The following EPB41L3 variants were observed in gnomAD, a reference collection of about 807,000 sequenced individuals.
EPB41L3 encodes the protein band 4.1-like protein 3.
Under a neutral mutation model 127.1 loss-of-function variants are expected in EPB41L3, and 57 were observed. The observed-to-expected ratio is 0.45, with a 90% confidence interval of 0.36 to 0.56. EPB41L3 has a LOEUF of 0.56. EPB41L3 is among the 20% of genes least tolerant of loss of function. The pLI, the probability that EPB41L3 is intolerant of heterozygous loss-of-function variation, is 0.00. For missense variants in EPB41L3, 1,273 were observed against 1,372.2 expected (o/e 0.93, Z 1.14); for synonymous variants, 572 against 549.5 (o/e 1.04, Z -0.57).
At chr18:5,425,132 G>GCTT (rs1196861408) in intron 9 of EPB41L3, among the ~76,000 whole-genome samples, 5 of 152,106 alleles carry the variant, frequency 3.3e-5, no homozygotes, top group Admixed American at 6.6e-5. Context: ...ATCTTAAACA[G>GCTT]TAAAGGCTTC....
At chr18:5,455,795 C>T (rs2082961990) in intron 3 of EPB41L3, among the ~76,000 whole-genome samples, 1 of 150,420 alleles carries the variant, frequency 6.6e-6, no homozygotes, top group African/African-American at 2.5e-5. Flanking sequence ...AGTTTCACAT[C>T]ACACATACGA....
rs569003501 is a variant in EPB41L3 at position 5,431,992 on chromosome 18, A to C, written c.912+1477T>G. On this transcript the variant is annotated intron_variant, in intron 8 of 22. Coordinates refer to ENST00000341928, the MANE Select transcript of EPB41L3 (RefSeq NM_012307.5). Reference sequence around the variant, plus strand: ...AATGTCAAAGAGCTTGGCATTCAACATAACAGCACATCCCTGGTGTGAACC... The same window carrying C: ...AATGTCAAAGAGCTTGGCATTCAACCTAACAGCACATCCCTGGTGTGAACC... Among the ~76,000 whole-genome samples, 20 of 152,328 alleles carry C rather than the reference A, an allele frequency of 1.3e-4. No individual in the cohort carries two copies. In the East Asian group the frequency reaches 3.5e-3, roughly 26 times the overall value.
intron 9 of EPB41L3, 42 bp from the exon 10 acceptor site, chr18:5,424,401 A>G (rs1411250681): frequency 1.4e-6 from 2 of 1,470,090 alleles, no homozygotes; most frequent in African/African-American, 1.4e-5. Context: ...GTTTAAAATT[A>G]TAAATAACAG....
At chr18:5,598,081 T>C (rs2094554176) in intron 3 of EPB41L3, among the ~76,000 whole-genome samples, 1 of 152,214 alleles carries the variant, frequency 6.6e-6, no homozygotes, top group South Asian at 2.1e-4. Flanking sequence ...GGCCTCATCT[T>C]ACTTATACCA....
intron 3 of EPB41L3, among the ~76,000 whole-genome samples, chr18:5,610,477 C>A (rs968045127): frequency 5.3e-5 from 8 of 152,222 alleles, no homozygotes; most frequent in African/African-American, 1.9e-4. Context: ...ACACCCAAAC[C>A]ACATTTGAAT....
chr18:5,422,409 G>C (rs770571192), intron 11 of EPB41L3, among the ~76,000 whole-genome samples: 3 of 152,120 alleles, frequency 2.0e-5, no homozygotes, highest in Admixed American at 6.5e-5. Flanking sequence ...ACTCTCAGGG[G>C]AACAGTGGCA....
chr18:5,623,083 G>A (rs1228362471), intron 1 of EPB41L3, among the ~76,000 whole-genome samples: 1 of 150,800 alleles, frequency 6.6e-6, no homozygotes, highest in East Asian at 2.0e-4. Flanking sequence ...TGTGATGCAG[G>A]GAATTCTGTT....
rs1321989153 is a variant in EPB41L3, at chr18:5,424,207, A to G, written c.1163+55T>C. ...ATATTTTTTATTGACAATCTTTTTC[A>G]GTATAAGTGATTATAATTATTCCTT... On this transcript the variant is annotated intron_variant, in intron 10 of 22. Transcript: ENST00000341928. The G allele has an allele frequency of 1.7e-5, 20 of 1,180,850 alleles. 1 individual carries two copies. In the Admixed American group the frequency reaches 4.4e-4, roughly 26 times the overall value. The allele number at this position is 1,180,850 out of a possible 1,614,324, so 73.1% of individuals were successfully genotyped here. A position where few individuals can be genotyped will look rare whatever the true frequency, so the allele number is the denominator to read the frequency against.
intron 3 of EPB41L3, among the ~76,000 whole-genome samples, chr18:5,599,105 T>C (rs1785416): frequency 0.43 from 65,581 of 152,064 alleles, 14,410 homozygotes; most frequent in Non-Finnish European, 0.47. Context: ...GAGTTCAAAT[T>C]CTGACACAAC....
rs78352386 is a variant in EPB41L3 at position 5,459,194 on chromosome 18, C to T, written c.382-13950G>A. Among the ~76,000 whole-genome samples the T allele has an allele frequency of 2.2e-4, 33 of 152,206 alleles. No individual in the cohort carries two copies. In the East Asian group the frequency reaches 4.2e-3, roughly 20 times the overall value. On this transcript the variant is annotated intron_variant, in intron 3 of 22. Transcript: ENST00000341928. The stretch of plus-strand genomic sequence containing the variant: ...ATGCCTTTAGTCCCAACGACTCAAG[C>T]GGCTGAGGAAAGAGGATTGCCTGGT...
intron 1 of EPB41L3, among the ~76,000 whole-genome samples, chr18:5,615,192 C>A (rs2094778888): frequency 7.0e-6 from 1 of 142,726 alleles, no homozygotes; most frequent in Admixed American, 6.9e-5. Flanking sequence ...CTCAGTGTAT[C>A]TAATTCAGAC....
intron 3 of EPB41L3, among the ~76,000 whole-genome samples, chr18:5,584,370 T>C (rs1327008690): frequency 6.6e-6 from 1 of 152,180 alleles, no homozygotes; most frequent in African/African-American, 2.4e-5. Flanking sequence ...GTGGTGAAAG[T>C]CATATTTTGT....
intron 3 of EPB41L3, among the ~76,000 whole-genome samples, chr18:5,551,662 G>A (rs911430458): frequency 6.6e-6 from 1 of 152,150 alleles, no homozygotes; most frequent in Non-Finnish European, 1.5e-5. Context: ...TGAGGCTGCA[G>A]TGAGTTGTGA....
intron 3 of EPB41L3, among the ~76,000 whole-genome samples, chr18:5,589,483 A>G (rs1383221090): frequency 6.6e-6 from 1 of 152,202 alleles, no homozygotes. Context: ...TCATGTGGCT[A>G]TAAAACATAT....
At chr18:5,563,057 C>T (rs1281989229) in intron 3 of EPB41L3, among the ~76,000 whole-genome samples, 1 of 152,136 alleles carries the variant, frequency 6.6e-6, no homozygotes, top group Non-Finnish European at 1.5e-5. Context: ...GAGCACCTAA[C>T]CTAGCCTGAG....
At chr18:5,553,210 T>A (rs150989767) in intron 3 of EPB41L3, among the ~76,000 whole-genome samples, 1 of 152,190 alleles carries the variant, frequency 6.6e-6, no homozygotes, top group Non-Finnish European at 1.5e-5. Context: ...AAATTATAAT[T>A]ATTATTGTTA....
intron 9 of EPB41L3, among the ~76,000 whole-genome samples, chr18:5,424,777 C>T (rs1162973551): frequency 6.6e-6 from 1 of 152,172 alleles, no homozygotes; most frequent in Non-Finnish European, 1.5e-5. Context: ...TAGTCTACAG[C>T]ATTCTTAGAA....
At chr18:5,604,616 G>A (rs2094628568) in intron 3 of EPB41L3, among the ~76,000 whole-genome samples, 1 of 152,022 alleles carries the variant, frequency 6.6e-6, no homozygotes, top group Non-Finnish European at 1.5e-5. Flanking sequence ...ACTATTCCCA[G>A]ATAATTTTTG....
chr18:5,494,407 C>T (rs941947804), intron 1 of EPB41L3, among the ~76,000 whole-genome samples: 1 of 152,178 alleles, frequency 6.6e-6, no homozygotes, highest in African/African-American at 2.4e-5. Context: ...CCTGTAATCC[C>T]AACACTTTGG....
Sources: allele counts gnomAD v4.1 joint callset (sites outside exome capture counted in the v4.1 genomes callset), GRCh38; gene constraint gnomAD v4.1.1; transcripts MANE v1.5; gene names NCBI Gene and HGNC (gene_info 2026-07-23, HGNC 2026-07-21).